Variants in PRIM2 observed in about 807,000 individuals in gnomAD.
PRIM2 encodes DNA primase large subunit.
A neutral mutation model predicts 67.3 loss-of-function variants in PRIM2; 39 were observed. The observed-to-expected ratio is 0.58, with a 90% CI of 0.45 to 0.76. The LOEUF (loss-of-function observed/expected upper bound fraction) is 0.76. Among genes scored for constraint, PRIM2 ranks in the 30% least tolerant of loss-of-function variants. The pLI is 0.00. For synonymous variants in PRIM2, 143 were observed against 198.7 expected, an observed-to-expected ratio of 0.72 and a Z score of 2.36; for missense variants, 398 against 598.7, an observed-to-expected ratio of 0.66 and a Z score of 3.50.
At chr6:57,512,886 C>T (rs1554347846) in intron 8 of PRIM2, among the ~76,000 whole-genome samples, 2 of 152,100 alleles carry the variant, frequency 1.3e-5, no homozygotes, top group African/African-American at 2.4e-5. Context: ...TGTGAGCCAC[C>T]GTGCTCACCA....
At chr6:57,518,192 T>C (rs1774525842) in intron 8 of PRIM2, among the ~76,000 whole-genome samples, 1 of 152,218 alleles carries the variant, frequency 6.6e-6, no homozygotes, top group South Asian at 2.1e-4. Context: ...AGCGGTATCT[T>C]GGTTCTTGAC....
At chr6:57,618,444 T>C (rs1776791045) in intron 12 of PRIM2, among the ~76,000 whole-genome samples, 1 of 152,294 alleles carries the variant, frequency 6.6e-6, no homozygotes, top group Non-Finnish European at 1.5e-5. Context: ...CCAGCAATCC[T>C]GAGAGGACCC....
chr6:57,532,911 C>T (rs1277690585), intron 9 of PRIM2, among the ~76,000 whole-genome samples: 1 of 152,096 alleles, frequency 6.6e-6, no homozygotes, highest in Non-Finnish European at 1.5e-5. Flanking sequence ...TCTTCCAGGG[C>T]CTTTCTTGTC....
At chr6:57,432,699 T>G (rs1300455079) in intron 7 of PRIM2, among the ~76,000 whole-genome samples, 1 of 152,234 alleles carries the variant, frequency 6.6e-6, no homozygotes, top group Non-Finnish European at 1.5e-5. Context: ...TTTTAAGACC[T>G]TATATACCTC....
At chr6:57,643,254 G>GA (rs1156600232) in intron 13 of PRIM2, among the ~76,000 whole-genome samples, 1 of 152,198 alleles carries the variant, frequency 6.6e-6, no homozygotes, top group Non-Finnish European at 1.5e-5. Flanking sequence ...ATTTTTGCAT[G>GA]AAATAGTACA....
the PRIM2 span, among the ~76,000 whole-genome samples, chr6:57,259,783 G>A: frequency 2.6e-5 from 4 of 152,044 alleles, no homozygotes; most frequent in African/African-American, 9.7e-5. Flanking sequence ...CTCCACCCTC[G>A]CCCTGGAGTC....
intron 7 of PRIM2, among the ~76,000 whole-genome samples, chr6:57,418,400 T>TTTTTTG (rs1771350487): frequency 7.9e-6 from 1 of 126,632 alleles, no homozygotes; most frequent in Non-Finnish European, 1.7e-5. Flanking sequence ...TTTTTTTTTT[T>TTTTTTG]TTTTTTTTTT....
intron 7 of PRIM2, among the ~76,000 whole-genome samples, chr6:57,393,070 G>A (rs1770408927): frequency 6.6e-6 from 1 of 150,918 alleles, no homozygotes; most frequent in Non-Finnish European, 1.5e-5. Flanking sequence ...ATGGGCATTT[G>A]GATTGGTTCC....
At chr6:57,574,926 G>A (rs1775934619) in intron 10 of PRIM2, among the ~76,000 whole-genome samples, 1 of 151,910 alleles carries the variant, frequency 6.6e-6, no homozygotes, top group Non-Finnish European at 1.5e-5. Flanking sequence ...TAGAGCTCTC[G>A]GTATGTCCTG....
intron 10 of PRIM2, among the ~76,000 whole-genome samples, chr6:57,560,107 C>T (rs1344003799): frequency 2.4e-4 from 37 of 152,318 alleles, no homozygotes; most frequent in Non-Finnish European, 5.0e-4. Flanking sequence ...GTATTGCAGT[C>T]TATCCTCTCA....
upstream of PRIM2, among the ~76,000 whole-genome samples, chr6:57,313,029 C>G (rs1767417084): frequency 6.6e-6 from 1 of 152,098 alleles, no homozygotes; most frequent in Non-Finnish European, 1.5e-5. Flanking sequence ...GTTTTCTATT[C>G]TGTTCCATTG....
chr6:57,532,157 A>G (rs1774905207), intron 8 of PRIM2, among the ~76,000 whole-genome samples: 2 of 152,304 alleles, frequency 1.3e-5, no homozygotes, highest in African/African-American at 2.4e-5. Flanking sequence ...TTATGCTTCT[A>G]AAAAAATGGA....
At chr6:57,242,130 G>A in the PRIM2 span, among the ~76,000 whole-genome samples, 1 of 152,066 alleles carries the variant, frequency 6.6e-6, no homozygotes, top group Non-Finnish European at 1.5e-5. Context: ...ACAATGTTCT[G>A]GTACAAGGTA....
chr6:57,571,643 C>T (rs1382170971), intron 10 of PRIM2, among the ~76,000 whole-genome samples: 1,536 of 151,946 alleles, frequency 0.01, 22 homozygotes, highest in African/African-American at 0.035. Context: ...GAGCAAGAGT[C>T]CATCTCAAAA....
At chr6:57,282,299 G>C in the PRIM2 span, among the ~76,000 whole-genome samples, 2 of 152,158 alleles carry the variant, frequency 1.3e-5, no homozygotes, top group Admixed American at 1.3e-4. Context: ...ACAAATATTT[G>C]TTCCTTTGAA....
chr6:57,538,521 T>C (rs1775046457), intron 10 of PRIM2, among the ~76,000 whole-genome samples: 2 of 152,218 alleles, frequency 1.3e-5, no homozygotes, highest in Non-Finnish European at 2.9e-5. Flanking sequence ...GAACATTTTT[T>C]ACTGTTTATT....
chr6:57,517,213 A>G (rs1164309975), intron 8 of PRIM2, among the ~76,000 whole-genome samples: 5 of 152,200 alleles, frequency 3.3e-5, no homozygotes, highest in African/African-American at 1.2e-4. Flanking sequence ...TCTTTAAAAC[A>G]TTGATCGCTC....
At chr6:57,360,563 A>T (rs977611961) in intron 5 of PRIM2, among the ~76,000 whole-genome samples, 2 of 152,212 alleles carry the variant, frequency 1.3e-5, no homozygotes, top group African/African-American at 4.8e-5. Flanking sequence ...TGGCAGACAG[A>T]TTTGCTGCTA....
chr6:57,262,999 T>C, the PRIM2 span, among the ~76,000 whole-genome samples: 1 of 152,326 alleles, frequency 6.6e-6, no homozygotes, highest in Admixed American at 6.5e-5. Context: ...GAGGTCTAGA[T>C]GACTTCTGTA....
Sources: allele counts gnomAD v4.1 joint callset (sites outside exome capture counted in the v4.1 genomes callset), GRCh38; gene constraint gnomAD v4.1.1; transcripts MANE v1.5; gene names NCBI Gene and HGNC (gene_info 2026-07-23, HGNC 2026-07-21).